The following COG5 variants were observed in gnomAD, a reference collection of about 807,000 sequenced individuals.
COG5 encodes the protein component of oligomeric golgi complex 5.
A neutral mutation model predicts 110.4 loss-of-function variants in COG5; 86 were observed. The observed-to-expected ratio is 0.78, with a 90% CI of 0.65 to 0.93. The LOEUF (loss-of-function observed/expected upper bound fraction) is 0.93, where lower values mean the gene tolerates loss of function less well. Ranked by LOEUF, COG5 falls within the 40% of genes least tolerant of loss-of-function variation. The pLI is 0.00. For synonymous variants in COG5, 360 were observed against 334.6 expected (o/e 1.08, Z -0.83); for missense variants, 1,077 against 987.0 (o/e 1.09, Z -1.22).
At chr7:107,456,922 G>A (rs542533154) in intron 6 of COG5, among the ~76,000 whole-genome samples, 36 of 152,314 alleles carry the variant, frequency 2.4e-4, no homozygotes, top group Non-Finnish European at 3.8e-4. Context: ...TTCCTCTGAA[G>A]CTGCCCTAAT....
At chr7:107,417,998 T>C (rs931042158) in intron 6 of COG5, among the ~76,000 whole-genome samples, 3 of 152,176 alleles carry the variant, frequency 2.0e-5, no homozygotes, top group Non-Finnish European at 4.4e-5. Context: ...CAGAACACAA[T>C]CATAAAATTA....
intron 19 of COG5, among the ~76,000 whole-genome samples, chr7:107,222,215 T>C (rs1385357120): frequency 1.3e-5 from 2 of 152,032 alleles, no homozygotes; most frequent in Non-Finnish European, 2.9e-5. Context: ...CTTTTTTTTT[T>C]TTGAGATGGA....
At chr7:107,506,503 T>A (rs1434588847) in intron 6 of COG5, among the ~76,000 whole-genome samples, 1 of 152,088 alleles carries the variant, frequency 6.6e-6, no homozygotes, top group East Asian at 1.9e-4. Context: ...GGCACTGGGG[T>A]AATGTTCCAG....
At chr7:107,559,495 T>C (rs1803605510) in intron 1 of COG5, among the ~76,000 whole-genome samples, 1 of 152,340 alleles carries the variant, frequency 6.6e-6, no homozygotes, top group African/African-American at 2.4e-5. Flanking sequence ...GTCTTTGTTT[T>C]GTTTGCTAAC....
intron 7 of COG5, among the ~76,000 whole-genome samples, chr7:107,395,244 G>A (rs1312199932): frequency 6.6e-6 from 1 of 152,100 alleles, no homozygotes; most frequent in Non-Finnish European, 1.5e-5. Context: ...AAAAGACGGG[G>A]AAAGGGTGGG....
In COG5 at chr7:107,203,585, G is replaced by A. The variant is rs1252798093; in HGVS notation, c.2421C>T (p.Gly807=). 1.2e-6 allele frequency: 2 copies of A among 1,613,962 alleles called. No individual in the cohort carries two copies. Among genetic ancestry groups the A allele is most frequent in the Non-Finnish European group, 1.7e-6 (2 of 1,180,008 alleles). The change falls in exon 22 of 22, where the codon GGC becomes GGT. Residue 807 remains glycine, a synonymous_variant. Coordinates refer to ENST00000297135, the MANE Select transcript of COG5 (RefSeq NM_006348.5). The part of the protein sequence containing the change: ...AYVQSVRSRE[G]KEFAPVYPIM... ...TGGGATAAACTGGTGCAAATTCTTT[G>A]CCTTCTCTACTTCTCACTGATTGAA...
At chr7:107,403,109 A>T (rs1426325028) in intron 7 of COG5, among the ~76,000 whole-genome samples, 1 of 152,236 alleles carries the variant, frequency 6.6e-6, no homozygotes, top group Admixed American at 6.5e-5. Flanking sequence ...GTGATGAAAG[A>T]GGTTATTTGC....
chr7:107,472,127 G>C (rs1276482738), intron 6 of COG5: 1 of 151,936 alleles, frequency 6.6e-6, no homozygotes, highest in Non-Finnish European at 1.5e-5. Flanking sequence ...ATCATCTGAG[G>C]AAATTCCTCT....
chr7:107,445,003 C>A (rs796962132), intron 6 of COG5, among the ~76,000 whole-genome samples: 13 of 152,192 alleles, frequency 8.5e-5, no homozygotes, highest in African/African-American at 3.1e-4. Flanking sequence ...CCCTGGGCAA[C>A]ATAGCAAAAC....
chr7:107,533,822 T>C (rs1444961960), intron 5 of COG5, among the ~76,000 whole-genome samples: 1 of 151,308 alleles, frequency 6.6e-6, no homozygotes, highest in Non-Finnish European at 1.5e-5. Context: ...AGAAGACCAC[T>C]AAGATACTCC....
intron 6 of COG5, among the ~76,000 whole-genome samples, chr7:107,463,140 G>A (rs755693786): frequency 3.9e-5 from 6 of 152,212 alleles, no homozygotes; most frequent in Admixed American, 6.5e-5. Flanking sequence ...ATCCAGGGCC[G>A]TAATGAGTCA....
chr7:107,206,583 G>A (rs142960568), intron 21 of COG5, among the ~76,000 whole-genome samples: 1 of 152,142 alleles, frequency 6.6e-6, no homozygotes. Flanking sequence ...AAGACACCAA[G>A]GTGTATGTAT....
intron 6 of COG5, among the ~76,000 whole-genome samples, chr7:107,448,907 T>C (rs2129091824): frequency 6.6e-6 from 1 of 152,290 alleles, no homozygotes; most frequent in African/African-American, 2.4e-5. Flanking sequence ...GATACCAGTC[T>C]ATTTTATTAC....
intron 5 of COG5, among the ~76,000 whole-genome samples, chr7:107,529,600 T>C (rs996015501): frequency 2.0e-5 from 3 of 152,158 alleles, no homozygotes; most frequent in African/African-American, 7.2e-5. Flanking sequence ...GCACTGGACA[T>C]GTGGGCAGCC....
At chr7:107,487,073 A>G (rs565321034) in intron 6 of COG5, among the ~76,000 whole-genome samples, 1 of 152,196 alleles carries the variant, frequency 6.6e-6, no homozygotes, top group Non-Finnish European at 1.5e-5. Flanking sequence ...ATTATTAAGT[A>G]AAATATTAAC....
At chr7:107,414,476 T>G (rs1792547963) in intron 6 of COG5, among the ~76,000 whole-genome samples, 1 of 152,036 alleles carries the variant, frequency 6.6e-6, no homozygotes, top group African/African-American at 2.4e-5. Context: ...ATGAGAAAAA[T>G]TTAATCTACT....
intron 6 of COG5, chr7:107,475,624 A>G (rs1796928318): frequency 3.2e-6 from 1 of 310,276 alleles, no homozygotes; most frequent in Non-Finnish European, 6.2e-6. Context: ...CATGTAAGTC[A>G]TATTTTTTAA....
intron 10 of COG5, among the ~76,000 whole-genome samples, chr7:107,330,419 G>A (rs1483959842): frequency 1.3e-5 from 2 of 152,114 alleles, no homozygotes; most frequent in Non-Finnish European, 2.9e-5. Flanking sequence ...CTTGGCCTTT[G>A]CTTTAGCCAT....
chr7:107,426,708 T>C (rs761498008), intron 6 of COG5, among the ~76,000 whole-genome samples: 1 of 152,130 alleles, frequency 6.6e-6, no homozygotes, highest in South Asian at 2.1e-4. Context: ...AATATGAATT[T>C]GGGGGAGACA....
Sources: gnomAD v4.1 joint callset for allele counts (sites outside exome capture counted in the v4.1 genomes callset) on GRCh38, gnomAD v4.1.1 for gene constraint, MANE v1.5 for transcripts, NCBI Gene and HGNC (gene_info 2026-07-23, HGNC 2026-07-21) for gene names.